The following PARD6B variants were observed in gnomAD, a reference collection of about 807,000 sequenced individuals.
The protein encoded by PARD6B is partitioning defective 6 homolog beta.
Under a neutral mutation model 10.5 loss-of-function variants are expected in PARD6B, and 4 were observed. The observed-to-expected ratio is 0.38, with a 90% CI of 0.19 to 0.87. The LOEUF (loss-of-function observed/expected upper bound fraction) is 0.87. Ranked by LOEUF, PARD6B falls within the 40% of genes least tolerant of loss-of-function variation. The probability of loss-of-function intolerance (pLI) is 0.41; values close to 1 mark genes in which losing one functional copy is unlikely to be tolerated. For synonymous variants in PARD6B, 169 were observed against 170.4 expected, an observed-to-expected ratio of 0.99 and a Z score of 0.07; for missense variants, 396 against 470.6, an observed-to-expected ratio of 0.84 and a Z score of 1.47.
chr20:50,733,912 A>G (rs560762513), intron 1 of PARD6B, among the ~76,000 whole-genome samples: 3 of 152,338 alleles, frequency 2.0e-5, no homozygotes, highest in East Asian at 3.9e-4. Context: ...TGAGTGCTTT[A>G]AAACTGGAAT....
At chr20:50,743,884 G>A (rs1284031924) in intron 2 of PARD6B, among the ~76,000 whole-genome samples, 81 of 139,378 alleles carry the variant, frequency 5.8e-4, no homozygotes, top group African/African-American at 1.7e-3. Context: ...GCGAGACTCC[G>A]TCTCAAAAAA....
chr20:50,735,943 C>T (rs6020717), intron 1 of PARD6B, among the ~76,000 whole-genome samples: 87,657 of 151,948 alleles, frequency 0.58, 25,675 homozygotes, highest in East Asian at 0.77. Flanking sequence ...GGAGGAGAAA[C>T]TGTGACTTTT....
At chr20:50,743,705 G>C (rs999792919) in intron 2 of PARD6B, among the ~76,000 whole-genome samples, 1 of 151,974 alleles carries the variant, frequency 6.6e-6, no homozygotes, top group Non-Finnish European at 1.5e-5. Flanking sequence ...TGGCTAGCAT[G>C]GTGAAACCGT....
At chr20:50,749,153 C>T (rs1445835508) in intron 2 of PARD6B, among the ~76,000 whole-genome samples, 1 of 152,136 alleles carries the variant, frequency 6.6e-6, no homozygotes, top group African/African-American at 2.4e-5. Context: ...ACCATCCTGG[C>T]TAACACGGTG....
chr20:50,737,838 A>C lies in PARD6B; in HGVS notation c.67-19A>C. The C allele has an allele frequency of 7.4e-7, 1 of 1,357,064 alleles. No homozygotes were observed. Among genetic ancestry groups the C allele is most frequent in the South Asian group, 1.7e-5 (1 of 57,786 alleles). The allele number at this position is 1,357,064 out of a possible 1,614,324, so 84.1% of individuals were successfully genotyped here. A position where few individuals can be genotyped will look rare whatever the true frequency, so the allele number is the denominator to read the frequency against. On this transcript the variant is annotated intron_variant, in intron 1 of 2. Transcript: ENST00000371610. The stretch of plus-strand genomic sequence containing the variant: ...ACTTTTTTTTTTTTTTTTAAGTAAT[A>C]TGTTTGTTACGTTTATAGTTTGGAG...
At chr20:50,736,553 A>G (rs2123699408) in intron 1 of PARD6B, among the ~76,000 whole-genome samples, 1 of 152,292 alleles carries the variant, frequency 6.6e-6, no homozygotes, top group South Asian at 2.1e-4. Flanking sequence ...GCGTTTCTCA[A>G]ACTTACATGA....
intron 2 of PARD6B, among the ~76,000 whole-genome samples, chr20:50,745,210 G>A (rs1051187685): frequency 5.9e-5 from 9 of 152,190 alleles, no homozygotes; most frequent in South Asian, 2.1e-4. Flanking sequence ...TGGGCGGATC[G>A]CCCAACGTCA....
chr20:50,732,820 G>T (rs961358763), intron 1 of PARD6B, among the ~76,000 whole-genome samples: 7 of 151,860 alleles, frequency 4.6e-5, no homozygotes, highest in African/African-American at 1.7e-4. Flanking sequence ...TACAAAACAG[G>T]ACACTGGCTG....
Position 50,752,876 on chromosome 20 carries a change from T to G in PARD6B, c.*2388T>G. 1.0e-6 allele frequency: 1 copy of G among 982,622 alleles called. No homozygotes were observed. Among genetic ancestry groups the G allele is most frequent in the South Asian group, 4.7e-5 (1 of 21,230 alleles). The allele number at this position is 982,622 out of a possible 1,614,324, so 60.9% of individuals were successfully genotyped here. A position where few individuals can be genotyped will look rare whatever the true frequency, so the allele number is the denominator to read the frequency against. On this transcript the variant is annotated 3_prime_UTR_variant, in exon 3 of 3. Transcript: ENST00000371610. ...GCACATTATGTAATACGTTGTACTTTTTGTTGAATTCACCGAAGTTCTTCC... is the reference window on the plus strand; with the variant it reads ...GCACATTATGTAATACGTTGTACTTGTTGTTGAATTCACCGAAGTTCTTCC...
chr20:50,742,347 A>G (rs912326768), intron 2 of PARD6B, among the ~76,000 whole-genome samples: 3 of 151,754 alleles, frequency 2.0e-5, no homozygotes, highest in Non-Finnish European at 2.9e-5. Flanking sequence ...CCTGGCCCCA[A>G]GTGATTTATT....
At position 50,751,942 on chromosome 20, in the gene PARD6B, G is replaced by A; in HGVS notation, c.*1454G>A. ...GGGTCTCAAACTCCTGACCTCAAGTGATCCGCCCATCTCCTCCCAAAGTGC... is the reference window on the plus strand; with the variant it reads ...GGGTCTCAAACTCCTGACCTCAAGTAATCCGCCCATCTCCTCCCAAAGTGC... On this transcript the variant is annotated 3_prime_UTR_variant, in exon 3 of 3. Coordinates refer to ENST00000371610, the MANE Select transcript of PARD6B (RefSeq NM_032521.3). 1 of 966,820 alleles carries A rather than the reference G, an allele frequency of 1.0e-6. No individual in the cohort carries two copies. The highest frequency in any genetic ancestry group is 1.2e-6 in the Non-Finnish European group (1 of 813,374). 59.9% of individuals were successfully genotyped at this position (966,820 alleles called of 1,614,324 possible). A position where few individuals can be genotyped will look rare whatever the true frequency, so the allele number is the denominator to read the frequency against.
chr20:50,742,200 C>T (rs141113869), intron 2 of PARD6B, among the ~76,000 whole-genome samples: 18 of 152,110 alleles, frequency 1.2e-4, no homozygotes, highest in African/African-American at 3.6e-4. Flanking sequence ...CGTGCCACCA[C>T]GCCCAGCTAA....
rs565068464 is a variant in PARD6B, at chr20:50,750,954, A to ATT, written c.*497_*498dup. On this transcript the variant is annotated 3_prime_UTR_variant, in exon 3 of 3. Coordinates refer to ENST00000371610, the MANE Select transcript of PARD6B (RefSeq NM_032521.3). ...CTCATGTTCCCAATATTTTATTTTG[A>ATT]TTTTTTTTTTTTTTTTTTTTTTTTT... is the stretch of plus-strand genomic sequence containing the variant. The ATT allele has an allele frequency of 2.1e-3, 805 of 387,562 alleles. 77 individuals carry two copies. The highest frequency in any genetic ancestry group is 8.0e-3 in the African/African-American group (219 of 27,450). The allele number at this position is 387,562 out of a possible 1,614,324, so 24.0% of individuals were successfully genotyped here. A position where few individuals can be genotyped will look rare whatever the true frequency, so the allele number is the denominator to read the frequency against.
In PARD6B at chr20:50,750,070, T is replaced by C. The variant is rs769007120; in HGVS notation, c.701T>C (p.Met234Thr). 1 of 1,614,198 alleles carries C rather than the reference T, an allele frequency of 6.2e-7. No individual in the cohort carries two copies. The highest frequency in any genetic ancestry group is 8.5e-7 in the Non-Finnish European group (1 of 1,180,046). The part of the protein sequence containing the change: ...SGKSLDQVTD[M>T]MIANSRNLII... ...AAGAGCCTTGATCAAGTAACAGACA[T>C]GATGATTGCAAATAGCCGTAACCTC... The change falls in exon 3 of 3, where the codon ATG becomes ACG. Residue 234 changes from methionine (M) to threonine (T), a missense_variant. Coordinates refer to ENST00000371610, the MANE Select transcript of PARD6B (RefSeq NM_032521.3).
intron 2 of PARD6B, among the ~76,000 whole-genome samples, chr20:50,748,241 G>A (rs1196669911): frequency 6.6e-6 from 1 of 152,250 alleles, no homozygotes; most frequent in African/African-American, 2.4e-5. Flanking sequence ...CCACTTGGGA[G>A]GCTAAGGCAG....
In PARD6B at chr20:50,750,336, A is replaced by G; in HGVS notation, c.967A>G (p.Ile323Val). ...TGAGAGCCTGGAGTCATTAACACAG[A>G]TAGAGCTAAGCTTTGAGTCTGGACA... ...NTESLESLTQ[I>V]ELSFESGQNG... The change falls in exon 3 of 3, where the codon ATA (isoleucine) becomes GTA (valine). Residue 323 changes from isoleucine to valine, a missense_variant. Coordinates refer to ENST00000371610, the MANE Select transcript of PARD6B (RefSeq NM_032521.3). 6.2e-7 allele frequency: 1 copy of G among 1,614,218 alleles called. No homozygotes were observed. Among genetic ancestry groups the G allele is most frequent in the South Asian group, 1.1e-5 (1 of 91,086 alleles).
intron 1 of PARD6B, among the ~76,000 whole-genome samples, chr20:50,733,044 G>C (rs1044576063): frequency 7.2e-5 from 11 of 152,170 alleles, no homozygotes; most frequent in African/African-American, 2.4e-4. Context: ...TATTGTCTAG[G>C]GTTGATAAGC....
intron 2 of PARD6B, among the ~76,000 whole-genome samples, chr20:50,748,236 T>TG (rs1476734963): frequency 6.6e-6 from 1 of 152,166 alleles, no homozygotes; most frequent in Non-Finnish European, 1.5e-5. Flanking sequence ...CCAAGCCACT[T>TG]GGGAGGCTAA....
rs888014960 is a variant in PARD6B, at chr20:50,751,497, A to G, written c.*1009A>G. On this transcript the variant is annotated 3_prime_UTR_variant, in exon 3 of 3. Transcript: ENST00000371610. The stretch of plus-strand genomic sequence containing the variant: ...CAGCCTCCCAAGTAGCTGGGACTAC[A>G]GGCGCCTGCCACCATGCCTGGCTAA... 1.5e-5 allele frequency: 11 copies of G among 732,908 alleles called. No homozygotes were observed. The highest frequency in any genetic ancestry group is 1.8e-5 in the Non-Finnish European group (11 of 601,232). The allele number at this position is 732,908 out of a possible 1,614,324, so 45.4% of individuals were successfully genotyped here. A position where few individuals can be genotyped will look rare whatever the true frequency, so the allele number is the denominator to read the frequency against.
Sources: gnomAD v4.1 joint callset for allele counts (sites outside exome capture counted in the v4.1 genomes callset) on GRCh38, gnomAD v4.1.1 for gene constraint, MANE v1.5 for transcripts, NCBI Gene and HGNC (gene_info 2026-07-23, HGNC 2026-07-21) for gene names.